Variants in CFI observed in about 807,000 individuals in gnomAD.
The protein encoded by CFI is complement factor I.
A neutral mutation model predicts 78.8 loss-of-function variants in CFI; 66 were observed. The observed-to-expected ratio is 0.84, with a 90% CI of 0.69 to 1.03. The LOEUF (loss-of-function observed/expected upper bound fraction) is 1.03. Among genes scored for constraint, CFI ranks in the 50% least tolerant of loss-of-function variants. CFI has a pLI of 0.00. For synonymous variants in CFI, 250 were observed against 232.6 expected, an observed-to-expected ratio of 1.07 and a Z score of -0.68; for missense variants, 706 against 704.5, an observed-to-expected ratio of 1.00 and a Z score of -0.02.
intron 1 of CFI, among the ~76,000 whole-genome samples, chr4:109,771,583 G>T (rs1384197335): frequency 4.0e-5 from 6 of 151,136 alleles, no homozygotes; most frequent in Non-Finnish European, 5.9e-5. Context: ...GCGTAGTGGT[G>T]TGTGCCTGTA....
At chr4:109,756,925 G>GA (rs1014174553) in intron 7 of CFI, among the ~76,000 whole-genome samples, 1 of 142,104 alleles carries the variant, frequency 7.0e-6, no homozygotes, top group Non-Finnish European at 1.5e-5. Context: ...AAGAAAGAAA[G>GA]AAAGAAAGAA....
rs779337549 is a variant in CFI, at chr4:109,741,123, T to A, written c.1535-13A>T. On this transcript the variant is annotated splice_polypyrimidine_tract_variant and intron_variant, in intron 12 of 12. Coordinates refer to ENST00000394634, the MANE Select transcript of CFI (RefSeq NM_000204.5). ...CCATCATATGTACCTAAGAAAGAAATGTGAAAGAGAAAATCACACATTTCC... is the reference window on the plus strand; with the variant it reads ...CCATCATATGTACCTAAGAAAGAAAAGTGAAAGAGAAAATCACACATTTCC... 1 of 1,613,834 alleles carries A rather than the reference T, an allele frequency of 6.2e-7. No individual in the cohort carries two copies. The highest frequency in any genetic ancestry group is 1.7e-5 in the Admixed American group (1 of 59,990).
chr4:109,769,702 A>G (rs1728314275), intron 1 of CFI, among the ~76,000 whole-genome samples: 2 of 152,182 alleles, frequency 1.3e-5, no homozygotes, highest in Non-Finnish European at 2.9e-5. Flanking sequence ...CAGCTCCAGT[A>G]TCCAACAGTA....
chr4:109,792,355 C>T lies in CFI; in HGVS notation c.57+9560G>A, dbSNP rs1420943736. On this transcript the variant is annotated intron_variant, in intron 1 of 12. Transcript: ENST00000394634. The stretch of plus-strand genomic sequence containing the variant: ...GCACTTTGGGAGGCCAAGGGCAGAT[C>T]ACCTGAGGTCAGGAGTTCAAGATCA... Among the ~76,000 whole-genome samples, 3 of 152,100 alleles carry T rather than the reference C, an allele frequency of 2.0e-5. No homozygotes were observed. In the South Asian group the frequency reaches 6.2e-4, roughly 32 times the overall value.
chr4:109,736,823 G>A (rs111761323), downstream of CFI, among the ~76,000 whole-genome samples: 1,329 of 152,146 alleles, frequency 8.7e-3, 15 homozygotes, highest in Non-Finnish European at 0.014. Flanking sequence ...ATCACGTACT[G>A]TACACCTTCA....
Position 109,778,274 on chromosome 4 carries a change from T to C in CFI, c.58-11450A>G, listed in dbSNP as rs575449689. Among the ~76,000 whole-genome samples the C allele has an allele frequency of 7.6e-3, 1,157 of 151,326 alleles. 11 individuals carry two copies. Among genetic ancestry groups the C allele is most frequent in the African/African-American group, 0.026 (1,084 of 41,278 alleles). On this transcript the variant is annotated intron_variant, in intron 1 of 12. Coordinates refer to ENST00000394634, the MANE Select transcript of CFI (RefSeq NM_000204.5). ...GAAGAAAAGAGAAGAATCAAATAGA[T>C]GCAATAAAAAATGATAAAGGGGATA...
chr4:109,757,195 A>T (rs1230696811), intron 7 of CFI, among the ~76,000 whole-genome samples: 1 of 144,938 alleles, frequency 6.9e-6, no homozygotes, highest in Admixed American at 6.9e-5. Flanking sequence ...CGCCAGGATA[A>T]TTTTTTTTTT....
At chr4:109,787,180 T>C (rs1319188131) in intron 1 of CFI, among the ~76,000 whole-genome samples, 1 of 152,126 alleles carries the variant, frequency 6.6e-6, no homozygotes, top group African/African-American at 2.4e-5. Flanking sequence ...ACTGGTACAA[T>C]GATGATTTCC....
chr4:109,793,782 C>T (rs1189461120), intron 1 of CFI: 5 of 152,292 alleles, frequency 3.3e-5, no homozygotes, highest in African/African-American at 9.6e-5. Context: ...GCCTCATTCC[C>T]CTAAAGTGCT....
chr4:109,792,316 C>T (rs547877224), intron 1 of CFI, among the ~76,000 whole-genome samples: 92 of 152,212 alleles, frequency 6.0e-4, no homozygotes, highest in African/African-American at 1.9e-3. Flanking sequence ...CAGTGACTCA[C>T]GCCTATAATC....
At chr4:109,773,880 G>C (rs1458737549) in intron 1 of CFI, among the ~76,000 whole-genome samples, 1 of 152,200 alleles carries the variant, frequency 6.6e-6, no homozygotes, top group Non-Finnish European at 1.5e-5. Flanking sequence ...CTCTGGGACA[G>C]ATCTTGGATT....
intron 1 of CFI, chr4:109,794,474 GT>G (rs1279863843): frequency 1.3e-5 from 2 of 152,030 alleles, no homozygotes; most frequent in African/African-American, 4.8e-5. Flanking sequence ...AACTCCAGAA[GT>G]TTTGTCTAGT....
intron 1 of CFI, among the ~76,000 whole-genome samples, chr4:109,779,570 A>G (rs1173346167): frequency 2.6e-5 from 4 of 152,234 alleles, no homozygotes; most frequent in Non-Finnish European, 5.9e-5. Context: ...AAGGTAATTT[A>G]TAGATTCAAT....
chr4:109,786,194 C>T (rs1730718120), intron 1 of CFI, among the ~76,000 whole-genome samples: 1 of 150,760 alleles, frequency 6.6e-6, no homozygotes, highest in Non-Finnish European at 1.5e-5. Flanking sequence ...CCATGCCCGG[C>T]TAATTTTTGT....
At position 109,742,587 on chromosome 4, in the gene CFI, T is replaced by C; in HGVS notation, c.1438A>G (p.Arg480Gly). 6.2e-7 allele frequency: 1 copy of C among 1,600,720 alleles called. No individual in the cohort carries two copies. Residue 480 changes from arginine to glycine, a missense_variant, in exon 12 of 13, where the codon AGA becomes GGA. Coordinates refer to ENST00000394634, the MANE Select transcript of CFI (RefSeq NM_000204.5). ...TCACCCCACTGAAGTGAAAAGACTC[T>C]TTCGTTATCTAAACAAAGTGAGAAA... ...SGWGREKDNERVFSLQWGEVK... is the reference protein window; with the variant it reads ...SGWGREKDNEGVFSLQWGEVK...
rs1481051141 is a variant in CFI at position 109,775,141 on chromosome 4, C to T, written c.58-8317G>A. Reference sequence around the variant, plus strand: ...ATTTCTGCATTTCCAACTAAGGTACCAAGTTCATCTCACTGGGGCTTGTCA... The same window carrying T: ...ATTTCTGCATTTCCAACTAAGGTACTAAGTTCATCTCACTGGGGCTTGTCA... On this transcript the variant is annotated intron_variant, in intron 1 of 12. Coordinates refer to ENST00000394634, the MANE Select transcript of CFI (RefSeq NM_000204.5). Among the ~76,000 whole-genome samples, 3 of 152,206 alleles carry T rather than the reference C, an allele frequency of 2.0e-5. No individual in the cohort carries two copies. In the East Asian group the frequency reaches 5.8e-4, roughly 29 times the overall value.
rs1383495167 is a variant in CFI at position 109,768,971 on chromosome 4, C to T, written c.58-2147G>A. 7.3e-5 allele frequency among the ~76,000 whole-genome samples: 11 copies of T among 151,722 alleles called. No individual in the cohort carries two copies. In the East Asian group the frequency reaches 9.7e-4, roughly 13 times the overall value. ...ACACAGTGATCTAGAATGAAATATG[C>T]CAGTTACGCACTTTTCATGGTTCCA... On this transcript the variant is annotated intron_variant, in intron 1 of 12. Coordinates refer to ENST00000394634, the MANE Select transcript of CFI (RefSeq NM_000204.5).
chr4:109,753,744 ATC>A (rs1725704528), intron 7 of CFI, among the ~76,000 whole-genome samples: 1 of 120,882 alleles, frequency 8.3e-6, no homozygotes, highest in Non-Finnish European at 1.6e-5. Flanking sequence ...ATTATATATT[ATC>A]TAATGTATAA....
chr4:109,764,759 T>C, intron 2 of CFI, 69 bp from the exon 3 acceptor site: 1 of 1,372,168 alleles, frequency 7.3e-7, no homozygotes, highest in South Asian at 1.2e-5. Context: ...TAAAAGTCTT[T>C]AAAAATAATA....
Sources: gnomAD v4.1 joint callset for allele counts (sites outside exome capture counted in the v4.1 genomes callset) on GRCh38, gnomAD v4.1.1 for gene constraint, MANE v1.5 for transcripts, NCBI Gene and HGNC (gene_info 2026-07-23, HGNC 2026-07-21) for gene names.